Variants in PRKD1 observed in about 807,000 individuals in gnomAD.
The protein encoded by PRKD1 is serine/threonine-protein kinase D1.
A neutral mutation model predicts 95.9 loss-of-function variants in PRKD1; 63 were observed. The observed-to-expected ratio is 0.66, with a 90% CI of 0.54 to 0.81. The LOEUF (loss-of-function observed/expected upper bound fraction) is 0.81, where lower values mean the gene tolerates loss of function less well. Ranked by LOEUF, PRKD1 falls within the 30% of genes least tolerant of loss-of-function variation. The pLI is 0.00. For missense variants in PRKD1, 1,048 were observed against 1,165.3 expected, an observed-to-expected ratio of 0.90 and a Z score of 1.47; for synonymous variants, 425 against 423.1, an observed-to-expected ratio of 1.00 and a Z score of -0.05.
intron 9 of PRKD1, among the ~76,000 whole-genome samples, chr14:29,631,958 C>T (rs930005766): frequency 3.9e-5 from 6 of 151,974 alleles, no homozygotes; most frequent in East Asian, 1.9e-4. Flanking sequence ...CATCCCATCA[C>T]GACTGGCTAA....
At chr14:29,755,588 T>A (rs1436374573) in intron 1 of PRKD1, among the ~76,000 whole-genome samples, 1 of 152,068 alleles carries the variant, frequency 6.6e-6, no homozygotes, top group African/African-American at 2.4e-5. Flanking sequence ...TTTCAGCTGG[T>A]TTCTGTCACT....
chr14:29,722,575 T>C (rs570114424), intron 2 of PRKD1, among the ~76,000 whole-genome samples: 42 of 152,206 alleles, frequency 2.8e-4, no homozygotes, highest in Admixed American at 4.6e-4. Context: ...TCATAGCCAG[T>C]AGTTAATAAG....
intron 13 of PRKD1, among the ~76,000 whole-genome samples, chr14:29,609,466 G>T (rs1004250272): frequency 1.3e-5 from 2 of 148,484 alleles, no homozygotes; most frequent in South Asian, 2.2e-4. Context: ...CATAGCAAAA[G>T]AAATCACTTG....
intron 1 of PRKD1, among the ~76,000 whole-genome samples, chr14:29,727,326 C>T (rs1555339293): frequency 6.6e-6 from 1 of 151,992 alleles, no homozygotes; most frequent in South Asian, 2.1e-4. Flanking sequence ...TTGCGAAAAT[C>T]TTCTCCCATT....
At chr14:29,612,163 A>C (rs1434715913) in intron 13 of PRKD1, among the ~76,000 whole-genome samples, 8 of 152,218 alleles carry the variant, frequency 5.3e-5, no homozygotes, top group Non-Finnish European at 1.2e-4. Flanking sequence ...ATGTGCAAAA[A>C]GTCAAATGGT....
intron 1 of PRKD1, among the ~76,000 whole-genome samples, chr14:29,885,077 C>T (rs1036136443): frequency 6.7e-6 from 1 of 149,052 alleles, no homozygotes; most frequent in African/African-American, 2.5e-5. Flanking sequence ...GAGCCGAGAT[C>T]GCACCACTGC....
chr14:29,835,662 C>T (rs1218684592), intron 1 of PRKD1, among the ~76,000 whole-genome samples: 2 of 152,154 alleles, frequency 1.3e-5, no homozygotes, highest in East Asian at 3.9e-4. Context: ...CCTCTGCCTC[C>T]TGGGTTCAAG....
chr14:29,783,529 T>TTA (rs1312165551), intron 1 of PRKD1, among the ~76,000 whole-genome samples: 1 of 152,114 alleles, frequency 6.6e-6, no homozygotes, highest in African/African-American at 2.4e-5. Flanking sequence ...GATTGCTGGA[T>TTA]TATATATATA....
At chr14:29,612,081 A>G (rs1878508095) in intron 13 of PRKD1, among the ~76,000 whole-genome samples, 1 of 152,212 alleles carries the variant, frequency 6.6e-6, no homozygotes, top group Admixed American at 6.5e-5. Flanking sequence ...CTTCGGATGT[A>G]TTATATACCA....
At chr14:29,899,651 A>C (rs547472170) in intron 1 of PRKD1, among the ~76,000 whole-genome samples, 1 of 152,208 alleles carries the variant, frequency 6.6e-6, no homozygotes, top group South Asian at 2.1e-4. Flanking sequence ...TGTCTCAAAA[A>C]CTTAAATTTA....
intron 1 of PRKD1, among the ~76,000 whole-genome samples, chr14:29,882,838 T>A (rs1413953089): frequency 1.3e-5 from 2 of 150,436 alleles, no homozygotes; most frequent in Non-Finnish European, 2.9e-5. Flanking sequence ...TACTTCTTTT[T>A]TAAGGTTGAA....
chr14:29,804,470 G>A (rs1890156370), intron 1 of PRKD1, among the ~76,000 whole-genome samples: 1 of 151,694 alleles, frequency 6.6e-6, no homozygotes, highest in African/African-American at 2.4e-5. Flanking sequence ...CCAGAATCTT[G>A]TCTCAACAAA....
At chr14:29,817,871 T>G (rs1890754949) in intron 1 of PRKD1, among the ~76,000 whole-genome samples, 1 of 152,200 alleles carries the variant, frequency 6.6e-6, no homozygotes, top group African/African-American at 2.4e-5. Context: ...GCTTTGCCAT[T>G]TTTTTCTTCT....
intron 1 of PRKD1, among the ~76,000 whole-genome samples, chr14:29,902,257 C>T (rs1894345457): frequency 2.0e-5 from 3 of 148,000 alleles, no homozygotes; most frequent in Admixed American, 2.0e-4. Context: ...AAAACTCCAT[C>T]TCCAAAAAAA....
intron 2 of PRKD1, among the ~76,000 whole-genome samples, chr14:29,706,998 G>T (rs1885123078): frequency 6.6e-6 from 1 of 152,058 alleles, no homozygotes; most frequent in Non-Finnish European, 1.5e-5. Flanking sequence ...AAAGGGAACT[G>T]GAAGCAAGGC....
chr14:29,578,445 C>A, intron 16 of PRKD1, 85 bp from the exon 17 acceptor site: 3 of 878,610 alleles, frequency 3.4e-6, no homozygotes, highest in Non-Finnish European at 4.9e-6. Context: ...TCTGCTATTT[C>A]ACACAGTTAA....
At chr14:29,678,645 G>C (rs992218084) in intron 2 of PRKD1, among the ~76,000 whole-genome samples, 6 of 152,152 alleles carry the variant, frequency 3.9e-5, no homozygotes, top group Admixed American at 6.5e-5. Flanking sequence ...CAAAGAGTAT[G>C]TGTGTGCACA....
intron 2 of PRKD1, among the ~76,000 whole-genome samples, chr14:29,698,489 G>C (rs1884654162): frequency 6.6e-6 from 1 of 152,076 alleles, no homozygotes; most frequent in African/African-American, 2.4e-5. Flanking sequence ...CTTAATTTCT[G>C]CTTTCCAGTT....
chr14:29,611,326 T>A (rs1364227216), intron 13 of PRKD1, among the ~76,000 whole-genome samples: 1 of 152,198 alleles, frequency 6.6e-6, no homozygotes, highest in Non-Finnish European at 1.5e-5. Context: ...TAAAGTCTTT[T>A]AAAATATCTC....
Sources: allele counts gnomAD v4.1 joint callset (sites outside exome capture counted in the v4.1 genomes callset), GRCh38; gene constraint gnomAD v4.1.1; transcripts MANE v1.5; gene names NCBI Gene and HGNC (gene_info 2026-07-23, HGNC 2026-07-21).